Variants in ARHGAP40 observed in about 807,000 individuals in gnomAD.
ARHGAP40 encodes the protein Rho GTPase activating protein 40, also known as rho GTPase-activating protein 40.
In ARHGAP40, 43 loss-of-function variants were observed where a neutral mutation model predicts 73.5. The ratio of observed to expected loss-of-function variants is 0.58; its 90% CI spans 0.46 to 0.75. The LOEUF (loss-of-function observed/expected upper bound fraction) is 0.75, where lower values mean the gene tolerates loss of function less well. ARHGAP40 is among the 30% of genes least tolerant of loss of function. The probability of loss-of-function intolerance (pLI) is 0.00; values close to 1 mark genes in which losing one functional copy is unlikely to be tolerated. For missense variants in ARHGAP40, 734 were observed against 861.8 expected (o/e 0.85, Z 1.86); for synonymous variants, 300 against 352.8 (o/e 0.85, Z 1.68).
At chr20:38,641,097 G>GAGGA (rs1455817018) in intron 9 of ARHGAP40, among the ~76,000 whole-genome samples, 4 of 146,162 alleles carry the variant, frequency 2.7e-5, no homozygotes, top group South Asian at 4.4e-4. Flanking sequence ...GGGAGGGAGG[G>GAGGA]AGGAAGGAAG....
At chr20:38,628,001 G>A (rs1458473526) in intron 3 of ARHGAP40, among the ~76,000 whole-genome samples, 2 of 152,206 alleles carry the variant, frequency 1.3e-5, no homozygotes, top group East Asian at 3.8e-4. Context: ...GTAATACAGT[G>A]GCGTGACTGC....
chr20:38,641,862 C>G, intron 10 of ARHGAP40, 54 bp downstream of exon 10: 1 of 1,200,086 alleles, frequency 8.3e-7, no homozygotes, highest in Non-Finnish European at 1.1e-6. Context: ...ACAGCCACAG[C>G]CATGGCTTCA....
Position 38,631,439 on chromosome 20 carries a change from A to C in ARHGAP40, c.783+1789A>C, listed in dbSNP as rs2088938041. On this transcript the variant is annotated intron_variant, in intron 5 of 14. Coordinates refer to ENST00000373345, the Ensembl canonical transcript of ARHGAP40. ...GGCCTCACAATCATGGTGGAAGGTG[A>C]AAGGCACGTCTCATGTGGCAGCAGA... 3.3e-5 allele frequency among the ~76,000 whole-genome samples: 5 copies of C among 152,190 alleles called. No homozygotes were observed. The South Asian group carries it at 1.0e-3, about 32-fold the overall frequency.
At chr20:38,616,144 C>T (rs544712889) in intron 1 of ARHGAP40, among the ~76,000 whole-genome samples, 75 of 152,364 alleles carry the variant, frequency 4.9e-4, no homozygotes, top group African/African-American at 1.8e-3. Context: ...GCATCCCACA[C>T]AGCCACTCCC....
intron 2 of ARHGAP40, among the ~76,000 whole-genome samples, chr20:38,625,059 A>G (rs942008221): frequency 6.6e-6 from 1 of 152,236 alleles, no homozygotes; most frequent in African/African-American, 2.4e-5. Context: ...TTGGCATGTA[A>G]TTCAGCTGGG....
chr20:38,627,375 G>GGTGTGTGTGTTGGGGT (rs1363056356), intron 3 of ARHGAP40, among the ~76,000 whole-genome samples, 160 bp downstream of exon 3: 8 of 148,364 alleles, frequency 5.4e-5, no homozygotes, highest in Non-Finnish European at 9.0e-5. Context: ...TCTGTGTGTT[G>GGTGTGTGTGTTGGGGT]GTGTGTGTGT....
intron 1 of ARHGAP40, among the ~76,000 whole-genome samples, chr20:38,604,119 C>T (rs1053826086): frequency 6.6e-6 from 1 of 152,158 alleles, no homozygotes; most frequent in Non-Finnish European, 1.5e-5. Context: ...TCCAACCATG[C>T]GTCGTCCGTC....
chr20:38,615,047 T>A, intron 1 of ARHGAP40: 1 of 957,758 alleles, frequency 1.0e-6, no homozygotes, highest in Non-Finnish European at 1.7e-6. Flanking sequence ...GCTTGGCATG[T>A]GCCTCCTGTT....
chr20:38,629,643 C>T, exon 5 of ARHGAP40: 2 of 1,305,376 alleles, frequency 1.5e-6, no homozygotes, highest in Non-Finnish European at 2.0e-6. Context: ...GGCAAGTGTT[C>T]CCTGCCGGTG....
At chr20:38,649,376 G>A (rs1439848097) in intron 14 of ARHGAP40, among the ~76,000 whole-genome samples, 1 of 152,184 alleles carries the variant, frequency 6.6e-6, no homozygotes, top group Non-Finnish European at 1.5e-5. Flanking sequence ...GGGTTCCAAG[G>A]GACAGAGTGA....
rs368058653 is a variant in ARHGAP40 at position 38,648,725 on chromosome 20, C to T, written c.1936+27C>T. The stretch of plus-strand genomic sequence containing the variant: ...TAAGTTCCACTGTGGGAAACAGGAA[C>T]AGAGCCCGGGTCCCTGGGAGTTCTT... On this transcript the variant is annotated intron_variant, in intron 14 of 14. Transcript: ENST00000373345. 37 of 1,304,362 alleles carry T rather than the reference C, an allele frequency of 2.8e-5. No individual in the cohort carries two copies. In the African/African-American group the frequency reaches 5.3e-4, roughly 19 times the overall value. The allele number at this position is 1,304,362 out of a possible 1,614,324, so 80.8% of individuals were successfully genotyped here. A position where few individuals can be genotyped will look rare whatever the true frequency, so the allele number is the denominator to read the frequency against.
chr20:38,607,326 G>C (rs532690501), intron 1 of ARHGAP40, among the ~76,000 whole-genome samples: 3 of 152,160 alleles, frequency 2.0e-5, no homozygotes, highest in Admixed American at 6.5e-5. Context: ...AGTGGCTGCC[G>C]TTCACACTCA....
At chr20:38,644,912 C>T (rs2089042065) in intron 11 of ARHGAP40, among the ~76,000 whole-genome samples, 1 of 151,788 alleles carries the variant, frequency 6.6e-6, no homozygotes, top group Non-Finnish European at 1.5e-5. Flanking sequence ...CCCATCCATC[C>T]ACCCACAGTC....
At chr20:38,613,921 A>G (rs1188976738) in intron 1 of ARHGAP40, among the ~76,000 whole-genome samples, 1 of 152,210 alleles carries the variant, frequency 6.6e-6, no homozygotes, top group Non-Finnish European at 1.5e-5. Context: ...GTCCAGAATG[A>G]GCCAGTCTTC....
chr20:38,610,481 A>G (rs1367199266), intron 1 of ARHGAP40, among the ~76,000 whole-genome samples: 1 of 152,214 alleles, frequency 6.6e-6, no homozygotes, highest in Non-Finnish European at 1.5e-5. Flanking sequence ...CACAGTCTCA[A>G]GAGGTCTGAG....
At chr20:38,632,970 A>G (rs2088950920) in intron 5 of ARHGAP40, among the ~76,000 whole-genome samples, 1 of 152,136 alleles carries the variant, frequency 6.6e-6, no homozygotes, top group African/African-American at 2.4e-5. Context: ...TAAAAATACA[A>G]AAGTTAGCTG....
chr20:38,602,065 C>T (rs768356024), exon 1 of ARHGAP40: 13 of 1,285,500 alleles, frequency 1.0e-5, no homozygotes, highest in South Asian at 2.5e-5. Context: ...AGCGCTGGGC[C>T]GACCTGGGCT....
intron 1 of ARHGAP40, among the ~76,000 whole-genome samples, chr20:38,608,178 C>G (rs1184836546): frequency 3.3e-5 from 5 of 151,864 alleles, no homozygotes; most frequent in African/African-American, 1.2e-4. Context: ...TTCTTACTGA[C>G]TTTGTTCTCA....
intron 1 of ARHGAP40, among the ~76,000 whole-genome samples, chr20:38,621,587 G>C (rs1323870833): frequency 6.6e-6 from 1 of 152,138 alleles, no homozygotes; most frequent in Non-Finnish European, 1.5e-5. Context: ...CCTGCCTTTA[G>C]GTTAAATATG....
Sources: allele counts gnomAD v4.1 joint callset (sites outside exome capture counted in the v4.1 genomes callset), GRCh38; gene constraint gnomAD v4.1.1; transcripts MANE v1.5; gene names NCBI Gene and HGNC (gene_info 2026-07-23, HGNC 2026-07-21).